RARB: variants seen among roughly 807,000 people sequenced by gnomAD.
RARB encodes the protein HBV-activated protein.
In RARB, 17 loss-of-function variants were observed where a neutral mutation model predicts 51.9. The ratio of observed to expected loss-of-function variants is 0.33; its 90% CI spans 0.22 to 0.49. The LOEUF is 0.49. RARB is among the 20% of genes least tolerant of loss of function. RARB has a pLI of 0.99. For missense variants in RARB, 369 were observed against 550.8 expected (o/e 0.67, Z 3.30); for synonymous variants, 215 against 195.4 (o/e 1.10, Z -0.84).
At chr3:25,167,838 G>A (rs748001278) in intron 4 of RARB, among the ~76,000 whole-genome samples, 10 of 152,086 alleles carry the variant, frequency 6.6e-5, no homozygotes, top group African/African-American at 1.4e-4. Flanking sequence ...TCCTCCATTC[G>A]AATACTAGAG....
intron 4 of RARB, among the ~76,000 whole-genome samples, chr3:25,577,429 AG>A (rs1188560941): frequency 2.0e-5 from 3 of 152,236 alleles, no homozygotes; most frequent in African/African-American, 7.2e-5. Context: ...TGTGGGTGAC[AG>A]GGATGGTCTG....
At chr3:24,846,186 G>A (rs962001450) in intron 1 of RARB, among the ~76,000 whole-genome samples, 2 of 152,192 alleles carry the variant, frequency 1.3e-5, no homozygotes, top group Non-Finnish European at 2.9e-5. Context: ...CAATCTGCCT[G>A]CTGGGTGATC....
intron 2 of RARB, among the ~76,000 whole-genome samples, chr3:25,045,848 GT>G (rs1234154780): frequency 1.3e-5 from 2 of 152,158 alleles, no homozygotes; most frequent in Non-Finnish European, 2.9e-5. Flanking sequence ...TTCTTAAAAT[GT>G]TTTAATGAAT....
At chr3:25,575,835 A>C (rs1700905809) in intron 4 of RARB, among the ~76,000 whole-genome samples, 1 of 152,196 alleles carries the variant, frequency 6.6e-6, no homozygotes, top group Admixed American at 6.5e-5. Context: ...TTTGAGGAAC[A>C]CAGTTTAACC....
intron 5 of RARB, among the ~76,000 whole-genome samples, chr3:25,222,923 T>C (rs1402861607): frequency 6.6e-6 from 1 of 152,216 alleles, no homozygotes; most frequent in African/African-American, 2.4e-5. Flanking sequence ...GTTCGAAAAC[T>C]TACCAGAATG....
At chr3:25,205,566 C>T (rs1351362317) in intron 5 of RARB, among the ~76,000 whole-genome samples, 2 of 152,076 alleles carry the variant, frequency 1.3e-5, no homozygotes, top group Non-Finnish European at 1.5e-5. Flanking sequence ...CATCTTGGAA[C>T]AACCCACTGC....
At chr3:25,385,655 A>C (rs1223536260) in intron 5 of RARB, among the ~76,000 whole-genome samples, 3 of 152,084 alleles carry the variant, frequency 2.0e-5, no homozygotes, top group African/African-American at 7.2e-5. Context: ...ATATATATAT[A>C]TATATTGCTG....
At chr3:25,595,868 ACAC>A (rs1406402105) in intron 7 of RARB, among the ~76,000 whole-genome samples, 1 of 152,230 alleles carries the variant, frequency 6.6e-6, no homozygotes, top group Non-Finnish European at 1.5e-5. Flanking sequence ...TTTTCAAGAT[ACAC>A]TTCTTTCATC....
chr3:25,434,545 T>G (rs4681062), intron 1 of RARB, among the ~76,000 whole-genome samples: 1 of 126,576 alleles, frequency 7.9e-6, no homozygotes, highest in Non-Finnish European at 1.7e-5. Context: ...TTTTTTTTTT[T>G]CTTTTTTTTT....
At chr3:25,213,920 ATGAATGAATATAG>A (rs1701758289) in intron 5 of RARB, among the ~76,000 whole-genome samples, 2 of 152,246 alleles carry the variant, frequency 1.3e-5, no homozygotes, top group Non-Finnish European at 2.9e-5. Flanking sequence ...ATCTGCTCTT[ATGAATGAATATAG>A]ATTTTGTTAT....
At chr3:25,296,716 G>T (rs548440007) in intron 5 of RARB, among the ~76,000 whole-genome samples, 2 of 152,296 alleles carry the variant, frequency 1.3e-5, no homozygotes, top group South Asian at 2.1e-4. Context: ...GTTTAATTCA[G>T]TTCTCAGAAT....
At chr3:25,053,566 C>T (rs543879060) in intron 2 of RARB, among the ~76,000 whole-genome samples, 3 of 152,164 alleles carry the variant, frequency 2.0e-5, no homozygotes, top group Non-Finnish European at 1.5e-5. Flanking sequence ...GATGTCCTTT[C>T]CTCTAGGCAT....
intron 2 of RARB, among the ~76,000 whole-genome samples, chr3:24,935,102 T>A (rs984808296): frequency 6.6e-6 from 1 of 152,180 alleles, no homozygotes; most frequent in Admixed American, 6.6e-5. Context: ...TGTTTATTAA[T>A]GTTTTGTCAT....
chr3:24,854,062 T>C (rs903654855), intron 1 of RARB, among the ~76,000 whole-genome samples: 2 of 152,192 alleles, frequency 1.3e-5, no homozygotes, highest in Non-Finnish European at 2.9e-5. Flanking sequence ...GACAGCTGGT[T>C]GTAGGGTCGT....
At chr3:25,307,685 G>T (rs1396165940) in intron 5 of RARB, among the ~76,000 whole-genome samples, 1 of 152,204 alleles carries the variant, frequency 6.6e-6, no homozygotes, top group Non-Finnish European at 1.5e-5. Flanking sequence ...GGACAGAGAT[G>T]AGTAGGTCCT....
intron 5 of RARB, among the ~76,000 whole-genome samples, chr3:25,286,377 T>C (rs1389686334): frequency 6.6e-6 from 1 of 152,156 alleles, no homozygotes; most frequent in South Asian, 2.1e-4. Flanking sequence ...CGTGAGACAC[T>C]GTGCCCAGCC....
At chr3:25,144,422 T>TA (rs776969071) in intron 4 of RARB, among the ~76,000 whole-genome samples, 68 of 152,180 alleles carry the variant, frequency 4.5e-4, no homozygotes, top group Admixed American at 1.8e-3. Flanking sequence ...CAAGGCAAGC[T>TA]ATTCCCAAAG....
At chr3:25,581,096 CTCAGG>C (rs2125306178) in intron 5 of RARB, among the ~76,000 whole-genome samples, 1 of 152,292 alleles carries the variant, frequency 6.6e-6, no homozygotes, top group South Asian at 2.1e-4. Flanking sequence ...GCCACTCTTC[CTCAGG>C]TCTGTTTAGC....
At chr3:25,550,527 A>G (rs1424163511) in intron 3 of RARB, among the ~76,000 whole-genome samples, 1 of 152,140 alleles carries the variant, frequency 6.6e-6, no homozygotes, top group Non-Finnish European at 1.5e-5. Flanking sequence ...AATCCCATCC[A>G]TGAGGGCTCC....
Sources: gnomAD v4.1 joint callset for allele counts (sites outside exome capture counted in the v4.1 genomes callset) on GRCh38, gnomAD v4.1.1 for gene constraint, MANE v1.5 for transcripts, NCBI Gene and HGNC (gene_info 2026-07-23, HGNC 2026-07-21) for gene names.